The following CDC14B variants were observed in gnomAD, a reference collection of about 807,000 sequenced individuals.
CDC14B encodes dual specificity protein phosphatase CDC14B.
Under a neutral mutation model 64.2 loss-of-function variants are expected in CDC14B, and 22 were observed. That is an observed-to-expected ratio of 0.34 (90% CI 0.24 to 0.49). CDC14B has a LOEUF of 0.49. CDC14B is among the 20% of genes least tolerant of loss of function. The probability of loss-of-function intolerance (pLI) is 0.99; values close to 1 mark genes in which losing one functional copy is unlikely to be tolerated. For missense variants in CDC14B, 498 were observed against 629.9 expected, an observed-to-expected ratio of 0.79 and a Z score of 2.24; for synonymous variants, 191 against 215.8, an observed-to-expected ratio of 0.89 and a Z score of 1.01.
At chr9:96,519,057 T>A (rs1010676887) in intron 12 of CDC14B, among the ~76,000 whole-genome samples, 7 of 151,560 alleles carry the variant, frequency 4.6e-5, no homozygotes, top group South Asian at 2.1e-4. Context: ...AATGGCATGA[T>A]CCCAGGAGGC....
intron 12 of CDC14B, among the ~76,000 whole-genome samples, chr9:96,516,976 T>C (rs1835766563): frequency 6.6e-6 from 1 of 150,804 alleles, no homozygotes; most frequent in Non-Finnish European, 1.5e-5. Flanking sequence ...TTAGTACAGA[T>C]GGGGTTTCTC....
chr9:96,517,434 C>T (rs1350880424), intron 12 of CDC14B, among the ~76,000 whole-genome samples: 9 of 147,930 alleles, frequency 6.1e-5, no homozygotes, highest in Non-Finnish European at 1.3e-4. Flanking sequence ...GGGCGGATCA[C>T]GAGGTCAGGA....
chr9:96,601,388 T>C (rs1206895442), intron 1 of CDC14B, among the ~76,000 whole-genome samples: 3 of 151,972 alleles, frequency 2.0e-5, no homozygotes, highest in Non-Finnish European at 4.4e-5. Flanking sequence ...TCCCAGCTAC[T>C]TGGGAGGCTG....
chr9:96,509,220 C>T (rs907786022), intron 13 of CDC14B, among the ~76,000 whole-genome samples: 1 of 152,226 alleles, frequency 6.6e-6, no homozygotes, highest in African/African-American at 2.4e-5. Flanking sequence ...AGTGAAAGAA[C>T]TAGTGCCTCG....
intron 1 of CDC14B, among the ~76,000 whole-genome samples, chr9:96,592,501 C>T (rs532968151): frequency 2.6e-5 from 4 of 152,324 alleles, no homozygotes; most frequent in Admixed American, 6.5e-5. Flanking sequence ...GCTGGCCAGG[C>T]ACAGCGGCTC....
At chr9:96,540,484 T>C (rs1438627600) in intron 6 of CDC14B, among the ~76,000 whole-genome samples, 2 of 151,734 alleles carry the variant, frequency 1.3e-5, no homozygotes, top group African/African-American at 4.8e-5. Flanking sequence ...AATATAAAAA[T>C]TAGCTGAGCA....
In CDC14B at chr9:96,500,437, T is replaced by C. The variant is rs574250820; in HGVS notation, c.*3316A>G. On this transcript the variant is annotated 3_prime_UTR_variant, in exon 14 of 14. Transcript: ENST00000375241. ...AATCTGTACATGAGTGCAGGTTAGA[T>C]AAAAGTCTGCAAATTATTAATAGAA... is the stretch of plus-strand genomic sequence containing the variant. 3.9e-5 allele frequency: 6 copies of C among 152,810 alleles called. No individual in the cohort carries two copies. The highest frequency in any genetic ancestry group is 1.4e-4 in the African/African-American group (6 of 41,592). 9.5% of individuals were successfully genotyped at this position (152,810 alleles called of 1,614,324 possible). A position where few individuals can be genotyped will look rare whatever the true frequency, so the allele number is the denominator to read the frequency against.
At chr9:96,537,761 C>T (rs1839492414) in intron 7 of CDC14B, among the ~76,000 whole-genome samples, 2 of 152,144 alleles carry the variant, frequency 1.3e-5, no homozygotes, top group Admixed American at 1.3e-4. Context: ...CTTGCTCTGT[C>T]ACCCAGGCTG....
At chr9:96,607,563 G>A (rs1847049335) in intron 1 of CDC14B, among the ~76,000 whole-genome samples, 1 of 151,888 alleles carries the variant, frequency 6.6e-6, no homozygotes. Flanking sequence ...TGGGACTACA[G>A]GTGCCTGCCA....
chr9:96,501,066 G>C lies in CDC14B; in HGVS notation c.*2687C>G, dbSNP rs1253614315. Reference sequence around the variant, plus strand: ...ACAGGGGAATTCTGGAGGCCGCAGAGCTGCGTGCTGCCGGGAAGCACTGGC... The same window carrying C: ...ACAGGGGAATTCTGGAGGCCGCAGACCTGCGTGCTGCCGGGAAGCACTGGC... On this transcript the variant is annotated 3_prime_UTR_variant, in exon 14 of 14. Coordinates refer to ENST00000375241, the MANE Select transcript of CDC14B (RefSeq NM_033331.4). 2 of 152,504 alleles carry C rather than the reference G, an allele frequency of 1.3e-5. No homozygotes were observed. Among genetic ancestry groups the C allele is most frequent in the East Asian group, 3.9e-4 (2 of 5,192 alleles). The allele number at this position is 152,504 out of a possible 1,614,324, so 9.4% of individuals were successfully genotyped here.
intron 12 of CDC14B, among the ~76,000 whole-genome samples, chr9:96,513,010 T>G (rs1835129113): frequency 6.6e-6 from 1 of 152,210 alleles, no homozygotes; most frequent in South Asian, 2.1e-4. Flanking sequence ...AAATTAAAAC[T>G]ATGACTGAAG....
intron 9 of CDC14B, among the ~76,000 whole-genome samples, chr9:96,524,287 C>T (rs914965662): frequency 3.3e-5 from 5 of 152,234 alleles, no homozygotes; most frequent in African/African-American, 1.2e-4. Context: ...AGCTTGGACA[C>T]AGAGATTCCT....
intron 4 of CDC14B, among the ~76,000 whole-genome samples, chr9:96,557,833 G>A (rs1489788800): frequency 1.3e-5 from 2 of 152,190 alleles, no homozygotes; most frequent in African/African-American, 4.8e-5. Flanking sequence ...TTAAACATTA[G>A]AGGAAAGCAA....
chr9:96,499,215 G>C (rs1467367063), downstream of CDC14B, among the ~76,000 whole-genome samples: 3 of 152,188 alleles, frequency 2.0e-5, no homozygotes, highest in South Asian at 6.2e-4. Flanking sequence ...GTCGGGAGAG[G>C]GGCGAGAAGG....
At chr9:96,605,301 T>C (rs1846813209) in intron 1 of CDC14B, among the ~76,000 whole-genome samples, 1 of 152,176 alleles carries the variant, frequency 6.6e-6, no homozygotes, top group Non-Finnish European at 1.5e-5. Context: ...CTTTCAGGGC[T>C]TTCTCTGGCC....
chr9:96,565,074 T>C (rs1843720555), intron 2 of CDC14B, among the ~76,000 whole-genome samples: 1 of 152,190 alleles, frequency 6.6e-6, no homozygotes, highest in Admixed American at 6.5e-5. Context: ...GTAACCTCAA[T>C]GAACATGAAC....
At chr9:96,618,887 A>C (rs1040064691) in intron 1 of CDC14B, 59 of 329,244 alleles carry the variant, frequency 1.8e-4, no homozygotes, top group Non-Finnish European at 2.9e-4. Context: ...AGGAACTCAG[A>C]AGCAGCCCGC....
intron 1 of CDC14B, among the ~76,000 whole-genome samples, chr9:96,608,317 T>G (rs1588074564): frequency 6.6e-6 from 1 of 152,214 alleles, no homozygotes; most frequent in Non-Finnish European, 1.5e-5. Flanking sequence ...GTTTGTTAGA[T>G]AAACTCAAAG....
intron 1 of CDC14B, among the ~76,000 whole-genome samples, chr9:96,600,998 A>G (rs75611476): frequency 0.029 from 4,450 of 152,264 alleles, 197 homozygotes; most frequent in African/African-American, 0.1. Flanking sequence ...CTAAAAAAAG[A>G]TATCCATGTT....
Sources: allele counts gnomAD v4.1 joint callset (sites outside exome capture counted in the v4.1 genomes callset), GRCh38; gene constraint gnomAD v4.1.1; transcripts MANE v1.5; gene names NCBI Gene and HGNC (gene_info 2026-07-23, HGNC 2026-07-21).